Variants in IQCB1 observed in about 807,000 individuals in gnomAD.
IQCB1 encodes IQ calmodulin-binding motif-containing protein 1.
Under a neutral mutation model 84.4 loss-of-function variants are expected in IQCB1, and 56 were observed. The ratio of observed to expected loss-of-function variants is 0.66; its 90% confidence interval spans 0.54 to 0.83. The LOEUF is 0.83. Ranked by LOEUF, IQCB1 falls within the 40% of genes least tolerant of loss-of-function variation. The pLI, the probability that IQCB1 is intolerant of heterozygous loss-of-function variation, is 0.00. For missense variants in IQCB1, 629 were observed against 682.1 expected (o/e 0.92, Z 0.87); for synonymous variants, 210 against 234.8 (o/e 0.89, Z 0.96).
At chr3:121,832,327 AT>A (rs66929099) in intron 2 of IQCB1, among the ~76,000 whole-genome samples, 51,929 of 135,322 alleles carry the variant, frequency 0.38, 9,643 homozygotes, top group South Asian at 0.54. Context: ...TAATTTTACA[AT>A]TTTTTTTTTT....
At chr3:121,789,492 C>T (rs942895932) in intron 11 of IQCB1, among the ~76,000 whole-genome samples, 1 of 151,996 alleles carries the variant, frequency 6.6e-6, no homozygotes, top group African/African-American at 2.4e-5. Context: ...AGAAAAATGA[C>T]AGGAATAAGG....
At position 121,825,390 on chromosome 3, in the gene IQCB1, A is replaced by T. The variant is rs150517684; in HGVS notation, c.393+661T>A. Among the ~76,000 whole-genome samples the T allele has an allele frequency of 2.6e-5, 4 of 152,280 alleles. No homozygotes were observed. In the East Asian group the frequency reaches 7.7e-4, roughly 29 times the overall value. ...AAGTTTCTTTTAATGAACATTCACA[A>T]AGATAAAACATATGCGGAGGGCCAT... On this transcript the variant is annotated intron_variant, in intron 5 of 14. Transcript: ENST00000310864.
chr3:121,798,396 C>T (rs571124648), intron 8 of IQCB1, among the ~76,000 whole-genome samples: 9 of 151,756 alleles, frequency 5.9e-5, no homozygotes, highest in South Asian at 2.1e-4. Flanking sequence ...TTCCTGACCA[C>T]GCTGAATAAG....
chr3:121,773,365 G>A (rs1948090757), intron 13 of IQCB1, among the ~76,000 whole-genome samples: 1 of 138,568 alleles, frequency 7.2e-6, no homozygotes, highest in South Asian at 2.4e-4. Context: ...GTGTAACAAC[G>A]CCAATCCCTT....
chr3:121,829,477 A>G (rs1177590748), intron 2 of IQCB1, among the ~76,000 whole-genome samples: 2 of 152,154 alleles, frequency 1.3e-5, no homozygotes, highest in African/African-American at 4.8e-5. Context: ...GTTTATGAAA[A>G]ACAATGTGGT....
chr3:121,788,168 G>T, intron 12 of IQCB1, 116 bp downstream of exon 12: 2 of 1,039,330 alleles, frequency 1.9e-6, no homozygotes, highest in Non-Finnish European at 3.0e-6. Flanking sequence ...AAAAACTAAG[G>T]CTCAAGAAAA....
intron 9 of IQCB1, 56 bp from the exon 10 acceptor site, chr3:121,795,622 AAAAG>A: frequency 9.7e-7 from 1 of 1,030,950 alleles, no homozygotes; most frequent in Non-Finnish European, 1.5e-6. Flanking sequence ...AAAAAAAAAA[AAAAG>A]TTTACCTCTT....
intron 13 of IQCB1, among the ~76,000 whole-genome samples, chr3:121,775,408 A>C (rs1386311742): frequency 6.6e-6 from 1 of 152,228 alleles, no homozygotes; most frequent in Non-Finnish European, 1.5e-5. Context: ...CTCAACCATA[A>C]GTGGAAGTTG....
At chr3:121,800,119 T>C (rs1310320738) in intron 7 of IQCB1, among the ~76,000 whole-genome samples, 1 of 151,948 alleles carries the variant, frequency 6.6e-6, no homozygotes, top group Non-Finnish European at 1.5e-5. Flanking sequence ...ATACAAATGA[T>C]TTCTGTCCAG....
chr3:121,777,549 A>G (rs1475958548), intron 13 of IQCB1, among the ~76,000 whole-genome samples: 1 of 152,230 alleles, frequency 6.6e-6, no homozygotes, highest in East Asian at 1.9e-4. Flanking sequence ...CTGAAAATTC[A>G]TTATGTGACA....
chr3:121,819,494 T>C (rs1950198503), intron 5 of IQCB1, among the ~76,000 whole-genome samples: 1 of 152,172 alleles, frequency 6.6e-6, no homozygotes, highest in Non-Finnish European at 1.5e-5. Context: ...AGGCCATGGA[T>C]GAGTACTAGT....
intron 7 of IQCB1, among the ~76,000 whole-genome samples, chr3:121,806,212 T>G (rs529560475): frequency 5.3e-5 from 8 of 152,130 alleles, no homozygotes; most frequent in Non-Finnish European, 8.8e-5. Context: ...ATATCCCAGG[T>G]ACCAATGCCC....
chr3:121,814,370 G>C (rs1425524441), intron 5 of IQCB1, among the ~76,000 whole-genome samples: 2 of 152,050 alleles, frequency 1.3e-5, no homozygotes, highest in African/African-American at 2.4e-5. Flanking sequence ...AGAGAAGCAA[G>C]AGCAAACAAA....
chr3:121,810,540 T>C (rs1400470224), intron 5 of IQCB1, among the ~76,000 whole-genome samples: 3 of 151,686 alleles, frequency 2.0e-5, no homozygotes, highest in Non-Finnish European at 4.4e-5. Flanking sequence ...ATTAACTGAA[T>C]AAGTATATTT....
Position 121,828,978 on chromosome 3 carries a change from T to G in IQCB1, c.-12-6A>C. On this transcript the variant is annotated splice_region_variant and splice_polypyrimidine_tract_variant and intron_variant, in intron 2 of 14. Transcript: ENST00000310864. ...GGCTTCATTTCTCTTATTACCTATA[T>G]TTTAACAGAATCAGAGAATAAAGGT... The G allele has an allele frequency of 1.4e-6, 2 of 1,455,376 alleles. No homozygotes were observed. The highest frequency in any genetic ancestry group is 1.1e-5 in the South Asian group (1 of 87,832). 90.2% of individuals were successfully genotyped at this position (1,455,376 alleles called of 1,614,324 possible).
At chr3:121,800,527 T>C (rs1576577440) in intron 7 of IQCB1, among the ~76,000 whole-genome samples, 1 of 151,154 alleles carries the variant, frequency 6.6e-6, no homozygotes, top group East Asian at 1.9e-4. Flanking sequence ...TCTGTGCCAC[T>C]GTGTCTCTTA....
rs144206988 is a variant in IQCB1 at position 121,832,054 on chromosome 3, T to G, written c.-13+2337A>C. The stretch of plus-strand genomic sequence containing the variant: ...ACATGATCCTTTACATTTTTGCCAA[T>G]CTGTTAGATGAAAATTGGTATGATT... On this transcript the variant is annotated intron_variant, in intron 2 of 14. Transcript: ENST00000310864. Among the ~76,000 whole-genome samples the G allele has an allele frequency of 5.9e-5, 9 of 152,348 alleles. No homozygotes were observed. In the East Asian group the frequency reaches 1.7e-3, roughly 29 times the overall value.
Position 121,799,262 on chromosome 3 carries a change from G to C in IQCB1, c.700C>G (p.Leu234Val). 6.2e-7 allele frequency: 1 copy of C among 1,610,826 alleles called. No homozygotes were observed. The highest frequency in any genetic ancestry group is 8.5e-7 in the Non-Finnish European group (1 of 1,177,804). ...TGATGGGATTCAGCCATCAACAGTA[G>C]GAGTTTTGTAGCAGTACTTCTTATA... ...PVIRSTATKL[L>V]LLMAESHQEI... The change falls in exon 8 of 15, where the codon CTA becomes GTA. Residue 234 changes from leucine to valine, a missense_variant. Transcript: ENST00000310864.
intron 13 of IQCB1, among the ~76,000 whole-genome samples, chr3:121,780,879 T>TGAGA (rs199923608): frequency 1.1e-4 from 16 of 144,484 alleles, no homozygotes; most frequent in African/African-American, 3.1e-4. Context: ...TGTGTGTGTG[T>TGAGA]GTGTGAGAGA....
Sources: allele counts gnomAD v4.1 joint callset (sites outside exome capture counted in the v4.1 genomes callset), GRCh38; gene constraint gnomAD v4.1.1; transcripts MANE v1.5; gene names NCBI Gene and HGNC (gene_info 2026-07-23, HGNC 2026-07-21).